Variants in ARAP2 observed in about 807,000 individuals in gnomAD.
The protein encoded by ARAP2 is arf-GAP with Rho-GAP domain, ANK repeat and PH domain-containing protein 2.
A neutral mutation model predicts 194.5 loss-of-function variants in ARAP2; 148 were observed. The ratio of observed to expected loss-of-function variants is 0.76; its 90% CI spans 0.67 to 0.87. The LOEUF (loss-of-function observed/expected upper bound fraction) is 0.87, where lower values mean the gene tolerates loss of function less well. Among genes scored for constraint, ARAP2 ranks in the 40% least tolerant of loss-of-function variants. The probability of loss-of-function intolerance (pLI) is 0.00; values close to 1 mark genes in which losing one functional copy is unlikely to be tolerated. For synonymous variants in ARAP2, 695 were observed against 683.5 expected (o/e 1.02, Z -0.26); for missense variants, 2,128 against 1,989.7 (o/e 1.07, Z -1.32).
intron 9 of ARAP2, among the ~76,000 whole-genome samples, chr4:36,012,231 G>A (rs1031360445): frequency 6.6e-6 from 1 of 152,162 alleles, no homozygotes; most frequent in African/African-American, 2.4e-5. Flanking sequence ...TCAGCAAAAA[G>A]TGTTAGTCTC....
intron 19 of ARAP2, among the ~76,000 whole-genome samples, chr4:36,140,961 A>G (rs1400414949): frequency 6.6e-6 from 1 of 151,664 alleles, no homozygotes; most frequent in Non-Finnish European, 1.5e-5. Flanking sequence ...GTTTATTAGA[A>G]CCAACAACCT....
At chr4:36,027,104 G>A (rs1718046331) in intron 5 of ARAP2, among the ~76,000 whole-genome samples, 1 of 152,130 alleles carries the variant, frequency 6.6e-6, no homozygotes, top group Non-Finnish European at 1.5e-5. Flanking sequence ...GCAAGACTCA[G>A]ATTTTCGTGG....
intron 1 of ARAP2, among the ~76,000 whole-genome samples, chr4:36,243,358 A>G (rs1462008977): frequency 6.8e-6 from 1 of 146,984 alleles, no homozygotes; most frequent in Non-Finnish European, 1.5e-5. Context: ...ATTCTACTGA[A>G]CAGCCTACTT....
At chr4:36,155,668 T>TA (rs1732102976) in intron 15 of ARAP2, among the ~76,000 whole-genome samples, 1 of 151,472 alleles carries the variant, frequency 6.6e-6, no homozygotes, top group South Asian at 2.1e-4. Context: ...TTTTTATTTT[T>TA]AATTTTTTTT....
chr4:36,213,251 T>C lies in ARAP2; in HGVS notation c.1033A>G (p.Asn345Asp), dbSNP rs1303683163. Residue 345 changes from asparagine (N) to aspartate (D), a missense_variant, in exon 4 of 33, where the codon AAT becomes GAT. Asn to Asp is a conservative substitution (Grantham distance 23). Coordinates refer to ENST00000303965, the MANE Select transcript of ARAP2 (RefSeq NM_015230.4). ...AAATGTATGGGACTAACCTTGGAATTTTCTAGTCTCTGGAAGAGAAAGGTC... is the reference window on the plus strand; with the variant it reads ...AAATGTATGGGACTAACCTTGGAATCTTCTAGTCTCTGGAAGAGAAAGGTC... ...GETFLFQRLE[N>D]SKKRSIKNEF... The C allele has an allele frequency of 2.5e-6, 4 of 1,600,668 alleles. No homozygotes were observed. Among genetic ancestry groups the C allele is most frequent in the Non-Finnish European group, 8.6e-7 (1 of 1,168,720 alleles).
chr4:36,067,192 T>C lies in ARAP2; in HGVS notation c.*715A>G, dbSNP rs1389333778. The C allele has an allele frequency of 6.6e-6, 1 of 152,532 alleles. No individual in the cohort carries two copies. Among genetic ancestry groups the C allele is most frequent in the East Asian group, 1.9e-4 (1 of 5,198 alleles). 9.4% of individuals were successfully genotyped at this position (152,532 alleles called of 1,614,324 possible). ...TAATGTGGCTGGTTTTCTAACACTA[T>C]AAATATTAATAAGAGTGGCTAGTGC... On this transcript the variant is annotated 3_prime_UTR_variant, in exon 33 of 33. Transcript: ENST00000303965.
chr4:36,207,315 T>C (rs1370513514), intron 6 of ARAP2, among the ~76,000 whole-genome samples: 1 of 152,252 alleles, frequency 6.6e-6, no homozygotes, highest in Non-Finnish European at 1.5e-5. Context: ...GTATCACTTA[T>C]TAAGCTTTTC....
intron 9 of ARAP2, among the ~76,000 whole-genome samples, chr4:36,169,820 C>T (rs1736199344): frequency 6.6e-6 from 1 of 152,216 alleles, no homozygotes; most frequent in African/African-American, 2.4e-5. Context: ...GCGTGAGCCA[C>T]AGCACCACCC....
At position 36,171,649 on chromosome 4, in the gene ARAP2, A is replaced by C. The variant is rs994284303; in HGVS notation, c.1858-4602T>G. ...ACTAACCTGCACATTGTGTACATGT[A>C]CCCTAAAACTTAAAGTATAATAATT... On this transcript the variant is annotated intron_variant, in intron 9 of 32. Transcript: ENST00000303965. 1.8e-4 allele frequency among the ~76,000 whole-genome samples: 27 copies of C among 152,106 alleles called. 1 individual carries two copies. Among genetic ancestry groups the C allele is most frequent in the Non-Finnish European group, 2.9e-5 (2 of 68,028 alleles).
intron 19 of ARAP2, among the ~76,000 whole-genome samples, chr4:36,134,760 A>ACACACACACACC (rs1553915268): frequency 2.0e-5 from 3 of 149,684 alleles, no homozygotes; most frequent in Non-Finnish European, 4.5e-5. Flanking sequence ...ACACACACAC[A>ACACACACACACC]CCCTCCTGGA....
intron 9 of ARAP2, among the ~76,000 whole-genome samples, chr4:36,173,857 C>T (rs572968005): frequency 2.6e-4 from 39 of 152,208 alleles, no homozygotes; most frequent in African/African-American, 9.4e-4. Context: ...ATAAATCTAA[C>T]ACTTTTAAGG....
chr4:36,052,679 T>G (rs768803685), intron 2 of ARAP2, among the ~76,000 whole-genome samples: 29 of 152,212 alleles, frequency 1.9e-4, no homozygotes, highest in Non-Finnish European at 3.5e-4. Flanking sequence ...TATTAAAATT[T>G]TACGGCTGGG....
downstream of ARAP2, chr4:36,065,402 A>C (rs1444367703): frequency 5.8e-6 from 3 of 517,880 alleles, no homozygotes; most frequent in Non-Finnish European, 1.2e-5. Context: ...ATGGCTTCTC[A>C]CACTCAGGGA....
chr4:36,154,767 A>G (rs1731839579), intron 15 of ARAP2, among the ~76,000 whole-genome samples: 1 of 152,196 alleles, frequency 6.6e-6, no homozygotes, highest in Admixed American at 6.5e-5. Flanking sequence ...CTTTGTTTTT[A>G]ATCATTTTGC....
chr4:36,074,532 A>G (rs1348223605), intron 31 of ARAP2, among the ~76,000 whole-genome samples: 1 of 152,050 alleles, frequency 6.6e-6, no homozygotes, highest in Non-Finnish European at 1.5e-5. Flanking sequence ...TGATATATAC[A>G]TATAAAAAAT....
At chr4:36,023,420 C>G (rs1255739931) in intron 5 of ARAP2, among the ~76,000 whole-genome samples, 3 of 152,072 alleles carry the variant, frequency 2.0e-5, no homozygotes, top group African/African-American at 7.2e-5. Context: ...TGATCATCTT[C>G]ATCTTGTTGG....
chr4:36,025,753 A>G (rs1056836814), intron 5 of ARAP2, among the ~76,000 whole-genome samples: 1 of 152,176 alleles, frequency 6.6e-6, no homozygotes, highest in Non-Finnish European at 1.5e-5. Context: ...AGATAATGGT[A>G]TCACGTAAAA....
chr4:36,072,033 T>C (rs1296543808), intron 32 of ARAP2, among the ~76,000 whole-genome samples: 1 of 152,138 alleles, frequency 6.6e-6, no homozygotes, highest in Non-Finnish European at 1.5e-5. Flanking sequence ...GTTAGTTATT[T>C]TGTAAATATA....
chr4:36,148,543 A>C (rs770353716), intron 16 of ARAP2, 36 bp from the exon 17 acceptor site: 1 of 1,458,480 alleles, frequency 6.9e-7, no homozygotes, highest in South Asian at 1.2e-5. Context: ...ACTACCAGTT[A>C]TATTTAGCTC....
Sources: gnomAD v4.1 joint callset for allele counts (sites outside exome capture counted in the v4.1 genomes callset) on GRCh38, gnomAD v4.1.1 for gene constraint, MANE v1.5 for transcripts, NCBI Gene and HGNC (gene_info 2026-07-23, HGNC 2026-07-21) for gene names.